IFT80: variants seen among roughly 807,000 people sequenced by gnomAD.
The protein encoded by IFT80 is intraflagellar transport 80, also known as intraflagellar transport protein 80 homolog.
IFT80 carries 79 observed loss-of-function variants against 107.9 expected under a neutral mutation model. That is an observed-to-expected ratio of 0.73 (90% CI 0.61 to 0.88). IFT80 has a LOEUF of 0.88. Ranked by LOEUF, IFT80 falls within the 40% of genes least tolerant of loss-of-function variation. The pLI is 0.00. For synonymous variants in IFT80, 299 were observed against 300.9 expected (o/e 0.99, Z 0.07); for missense variants, 797 against 914.2 (o/e 0.87, Z 1.65).
intron 6 of IFT80, among the ~76,000 whole-genome samples, chr3:160,365,536 A>G (rs1721805166): frequency 6.6e-6 from 1 of 152,082 alleles, no homozygotes; most frequent in Admixed American, 6.6e-5. Context: ...AGCAACTTAT[A>G]ATAGCATAAT....
rs1056926463 is a variant in IFT80 at position 160,396,074 on chromosome 3, C to A, written c.-47+3072G>T. Among the ~76,000 whole-genome samples the A allele has an allele frequency of 3.9e-5, 6 of 152,092 alleles. 1 individual carries two copies. Among genetic ancestry groups the A allele is most frequent in the East Asian group, 1.9e-4 (1 of 5,156 alleles). The stretch of plus-strand genomic sequence containing the variant: ...TTCTCTCTTAAGCCATACTCTCTAC[C>A]TCTACTGCTTGTTGAATATATCTTT... On this transcript the variant is annotated intron_variant, in intron 1 of 19. Transcript: ENST00000326448.
At chr3:160,384,728 A>C in intron 1 of IFT80, 82 bp from the exon 2 acceptor site, 1 of 1,031,204 alleles carries the variant, frequency 9.7e-7, no homozygotes, top group African/African-American at 1.6e-5. Flanking sequence ...CAAACAAAAC[A>C]TCATTGCACC....
intron 8 of IFT80, among the ~76,000 whole-genome samples, chr3:160,344,552 C>A: frequency 6.6e-6 from 1 of 152,100 alleles, no homozygotes; most frequent in Non-Finnish European, 1.5e-5. Context: ...TTGAGTAATA[C>A]TCCACAAGTA....
At position 160,258,630 on chromosome 3, in the gene IFT80, T is replaced by C. The variant is rs1174856257; in HGVS notation, c.2229A>G (p.Gln743=). The C allele has an allele frequency of 1.9e-6, 3 of 1,607,748 alleles. No individual in the cohort carries two copies. Among genetic ancestry groups the C allele is most frequent in the Non-Finnish European group, 2.5e-6 (3 of 1,178,732 alleles). Residue 743 remains glutamine, a synonymous_variant, in exon 20 of 20, where the codon CAA becomes CAG. Coordinates refer to ENST00000326448, the MANE Select transcript of IFT80 (RefSeq NM_020800.3). ...TGGCTTTGATTTTCTCCCAATCTAT[T>C]TGGAGCTGCAATAGAAAAAAAAAAG... ...KRYLHYAEGL[Q]IDWEKIKAKI...
chr3:160,326,581 T>C (rs967029474), intron 8 of IFT80, among the ~76,000 whole-genome samples: 6 of 152,138 alleles, frequency 3.9e-5, no homozygotes, highest in Non-Finnish European at 7.3e-5. Flanking sequence ...AACCACACGA[T>C]TATCTCAATA....
rs1176219910 is a variant in IFT80 at position 160,391,016 on chromosome 3, C to A, written c.-46-6370G>T. 5.9e-5 allele frequency among the ~76,000 whole-genome samples: 9 copies of A among 152,294 alleles called. No homozygotes were observed. The South Asian group carries it at 1.9e-3, about 32-fold the overall frequency. ...AAGTTACCTGTTTTTCTAGAAATTT[C>A]TGCATAGCCCACTTCTTAATTTGCA... On this transcript the variant is annotated intron_variant, in intron 1 of 19. Coordinates refer to ENST00000326448, the MANE Select transcript of IFT80 (RefSeq NM_020800.3).
At chr3:160,264,981 G>C (rs1320959463) in intron 19 of IFT80, among the ~76,000 whole-genome samples, 1 of 152,098 alleles carries the variant, frequency 6.6e-6, no homozygotes, top group Non-Finnish European at 1.5e-5. Flanking sequence ...TGCTAGAACA[G>C]TCTCTGCTGA....
At chr3:160,270,260 C>G (rs1167553888) in intron 18 of IFT80, among the ~76,000 whole-genome samples, 2 of 152,236 alleles carry the variant, frequency 1.3e-5, no homozygotes, top group Non-Finnish European at 1.5e-5. Context: ...CTTGGCCTCC[C>G]AAAGTGCTGG....
intron 8 of IFT80, among the ~76,000 whole-genome samples, chr3:160,328,275 A>G (rs1300365518): frequency 6.6e-6 from 1 of 152,050 alleles, no homozygotes; most frequent in Non-Finnish European, 1.5e-5. Flanking sequence ...CAGCCTGGCA[A>G]ACATAGTGAA....
chr3:160,383,736 T>C, intron 2 of IFT80: 1 of 985,346 alleles, frequency 1.0e-6, no homozygotes. Context: ...TCATATCTCC[T>C]TGACACATAA....
At chr3:160,267,234 A>G (rs529979929) in intron 19 of IFT80, among the ~76,000 whole-genome samples, 55 of 152,310 alleles carry the variant, frequency 3.6e-4, no homozygotes, top group South Asian at 2.3e-3. Flanking sequence ...TCTAAATACA[A>G]TAAGTAGATA....
chr3:160,326,019 G>A (rs563053943), intron 8 of IFT80, among the ~76,000 whole-genome samples: 3 of 151,924 alleles, frequency 2.0e-5, no homozygotes, highest in Admixed American at 1.3e-4. Context: ...TATTTTAAAT[G>A]TAAGCATTAA....
In IFT80 at chr3:160,319,778, C is replaced by T. The variant is rs763666588; in HGVS notation, c.939G>A (p.Thr313=). ...ATAATACCTGCATGGCTCTTCTTTT[C>T]GTTAATGTTACTTGAAAATTTTTCC... is the stretch of plus-strand genomic sequence containing the variant. ...WEWKNFQVTL[T]KRRAMQVRNV... Residue 313 remains threonine, a synonymous_variant, in exon 9 of 20, where the codon ACG becomes ACA. Transcript: ENST00000326448. The T allele has an allele frequency of 7.4e-6, 12 of 1,612,640 alleles. No homozygotes were observed. The highest frequency in any genetic ancestry group is 3.3e-5 in the Admixed American group (2 of 59,860).
chr3:160,319,666 G>C, intron 9 of IFT80, 94 bp downstream of exon 9: 2 of 1,085,328 alleles, frequency 1.8e-6, no homozygotes, highest in Non-Finnish European at 1.4e-6. Context: ...TTATAAGCTT[G>C]ACTAAATATA....
At chr3:160,305,720 T>C (rs1232102362) in intron 10 of IFT80, among the ~76,000 whole-genome samples, 3 of 152,186 alleles carry the variant, frequency 2.0e-5, no homozygotes, top group Non-Finnish European at 4.4e-5. Flanking sequence ...TTGTTTTCTT[T>C]TTCTGGAACT....
chr3:160,359,563 C>G (rs1007739238), intron 6 of IFT80, among the ~76,000 whole-genome samples: 4 of 152,138 alleles, frequency 2.6e-5, no homozygotes, highest in African/African-American at 9.7e-5. Context: ...TGTAGCCTAA[C>G]TGGGAGACAG....
chr3:160,388,329 T>C (rs1713099561), intron 1 of IFT80, among the ~76,000 whole-genome samples: 1 of 150,898 alleles, frequency 6.6e-6, no homozygotes, highest in Non-Finnish European at 1.5e-5. Flanking sequence ...GTCCAGAACA[T>C]TGCATCAATA....
chr3:160,335,272 C>T (rs1031904972), intron 8 of IFT80, among the ~76,000 whole-genome samples: 1 of 151,158 alleles, frequency 6.6e-6, no homozygotes, highest in African/African-American at 2.4e-5. Flanking sequence ...GCTCTGTCAC[C>T]CAGGTTTGAG....
rs1014919717 is a variant in IFT80 at position 160,328,884 on chromosome 3, G to C, written c.778-8945C>G. On this transcript the variant is annotated intron_variant, in intron 8 of 19. Transcript: ENST00000326448. ...CATTATCCTTAGCAAACAAACACAG[G>C]AGCAGAAAAAGCAGAAAACCAAATA... is the stretch of plus-strand genomic sequence containing the variant. Among the ~76,000 whole-genome samples, 3 of 152,002 alleles carry C rather than the reference G, an allele frequency of 2.0e-5. No homozygotes were observed. In the East Asian group the frequency reaches 5.8e-4, roughly 29 times the overall value.
Sources: gnomAD v4.1 joint callset for allele counts (sites outside exome capture counted in the v4.1 genomes callset) on GRCh38, gnomAD v4.1.1 for gene constraint, MANE v1.5 for transcripts, NCBI Gene and HGNC (gene_info 2026-07-23, HGNC 2026-07-21) for gene names.